The following HDAC9 variants were observed in gnomAD, a reference collection of about 807,000 sequenced individuals.
HDAC9 encodes histone deacetylase 9.
Under a neutral mutation model 139.4 loss-of-function variants are expected in HDAC9, and 41 were observed. The ratio of observed to expected loss-of-function variants is 0.29; its 90% confidence interval spans 0.23 to 0.38. The LOEUF (loss-of-function observed/expected upper bound fraction) is 0.38, where lower values mean the gene tolerates loss of function less well. HDAC9 is among the 10% of genes least tolerant of loss of function. HDAC9 has a pLI of 1.00. For missense variants in HDAC9, 1,147 were observed against 1,297.0 expected, an observed-to-expected ratio of 0.88 and a Z score of 1.78; for synonymous variants, 517 against 476.2, an observed-to-expected ratio of 1.09 and a Z score of -1.12.
intron 11 of HDAC9, among the ~76,000 whole-genome samples, chr7:18,657,028 T>G (rs2129051887): frequency 6.6e-6 from 1 of 152,190 alleles, no homozygotes; most frequent in East Asian, 2.0e-4. Context: ...TTCATTTCTC[T>G]GATGGTTAAT....
At chr7:18,619,000 T>C (rs1839480063) in intron 6 of HDAC9, among the ~76,000 whole-genome samples, 1 of 152,070 alleles carries the variant, frequency 6.6e-6, no homozygotes, top group African/African-American at 2.4e-5. Flanking sequence ...AACATGTTTA[T>C]AATCTAGTTC....
rs558202648 is a variant in HDAC9, at chr7:18,822,349, T to G, written c.2323-6812T>G. 2.1e-5 allele frequency among the ~76,000 whole-genome samples: 3 copies of G among 141,902 alleles called. No individual in the cohort carries two copies. The South Asian group carries it at 7.3e-4, about 35-fold the overall frequency. 93.1% of individuals were successfully genotyped at this position (141,902 alleles called of 152,430 possible). On this transcript the variant is annotated intron_variant, in intron 17 of 25. Transcript: ENST00000686413. ...TTTGGTTTTTGTTTGTTTGTTTGTT[T>G]GTTGTTGTTGTTGTTGTTGTTTGAG...
chr7:18,103,841 G>A (rs563504319), intron 1 of HDAC9, among the ~76,000 whole-genome samples: 9 of 54,700 alleles, frequency 1.6e-4, no homozygotes, highest in African/African-American at 3.8e-4. Context: ...ATAAATGTGA[G>A]CTATACATAC....
At chr7:18,615,810 A>G (rs574330724) in intron 6 of HDAC9, among the ~76,000 whole-genome samples, 41 of 152,324 alleles carry the variant, frequency 2.7e-4, no homozygotes, top group African/African-American at 8.7e-4. Context: ...AATTCATTCA[A>G]CTACTGTATT....
intron 6 of HDAC9, among the ~76,000 whole-genome samples, chr7:18,594,575 A>G (rs1449396034): frequency 6.6e-6 from 1 of 152,062 alleles, no homozygotes; most frequent in Non-Finnish European, 1.5e-5. Flanking sequence ...TATATCTGAT[A>G]ATCTCATGAA....
intron 21 of HDAC9, among the ~76,000 whole-genome samples, chr7:18,839,586 G>A (rs1796455859): frequency 6.6e-6 from 1 of 152,050 alleles, no homozygotes; most frequent in Non-Finnish European, 1.5e-5. Flanking sequence ...TTGTCAATGG[G>A]AGCATTGTCA....
At chr7:18,555,848 GAC>G (rs751114427) in intron 2 of HDAC9, among the ~76,000 whole-genome samples, 1 of 151,968 alleles carries the variant, frequency 6.6e-6, no homozygotes, top group Non-Finnish European at 1.5e-5. Context: ...TATATTCAAA[GAC>G]AATATGAGAA....
chr7:18,235,805 C>T (rs1793774880), intron 2 of HDAC9, among the ~76,000 whole-genome samples: 1 of 152,004 alleles, frequency 6.6e-6, no homozygotes, highest in African/African-American at 2.4e-5. Flanking sequence ...TATTAAGAGA[C>T]AAAGACTGAT....
chr7:18,261,967 A>T (rs1795709403), intron 2 of HDAC9, among the ~76,000 whole-genome samples: 1 of 152,224 alleles, frequency 6.6e-6, no homozygotes, highest in Non-Finnish European at 1.5e-5. Flanking sequence ...CAAGCAGCTA[A>T]TATTTTGTTT....
At chr7:18,157,829 GA>G (rs2128124663) in intron 1 of HDAC9, among the ~76,000 whole-genome samples, 1 of 151,824 alleles carries the variant, frequency 6.6e-6, no homozygotes, top group Admixed American at 6.6e-5. Flanking sequence ...GAGAGAGAGA[GA>G]GAGAGAGAGA....
At chr7:18,379,402 T>A (rs1785246112) in intron 1 of HDAC9, among the ~76,000 whole-genome samples, 1 of 152,178 alleles carries the variant, frequency 6.6e-6, no homozygotes, top group African/African-American at 2.4e-5. Flanking sequence ...CTATGAGAAA[T>A]CTGTTTGTAT....
chr7:18,277,087 A>G (rs1008148223), intron 2 of HDAC9, among the ~76,000 whole-genome samples: 1 of 151,972 alleles, frequency 6.6e-6, no homozygotes, highest in East Asian at 1.9e-4. Flanking sequence ...ATTGTTAAAA[A>G]AACAAAACAA....
chr7:18,930,697 A>C (rs987154915), intron 22 of HDAC9, among the ~76,000 whole-genome samples: 1 of 152,198 alleles, frequency 6.6e-6, no homozygotes, highest in African/African-American at 2.4e-5. Context: ...CATCACTTGA[A>C]TGTTTTGTGC....
chr7:18,406,798 A>C (rs1285490825), intron 1 of HDAC9, among the ~76,000 whole-genome samples: 2 of 152,110 alleles, frequency 1.3e-5, no homozygotes, highest in Non-Finnish European at 2.9e-5. Context: ...TTAGAGTTTT[A>C]GGTTCTTTCA....
At chr7:18,150,543 A>C (rs894730594) in intron 1 of HDAC9, among the ~76,000 whole-genome samples, 19 of 152,210 alleles carry the variant, frequency 1.2e-4, no homozygotes, top group Admixed American at 6.5e-5. Context: ...AATTTTGCTG[A>C]GAATCTTCTC....
At chr7:18,460,363 TA>T (rs1163573861) in intron 1 of HDAC9, among the ~76,000 whole-genome samples, 1 of 152,166 alleles carries the variant, frequency 6.6e-6, no homozygotes, top group Non-Finnish European at 1.5e-5. Context: ...CAGGGCAGAA[TA>T]AACAATATTT....
chr7:18,465,549 T>C (rs1190198825), intron 1 of HDAC9, among the ~76,000 whole-genome samples: 1 of 152,192 alleles, frequency 6.6e-6, no homozygotes, highest in Non-Finnish European at 1.5e-5. Context: ...AAATGCACTC[T>C]CTTTTTTCTG....
At position 18,496,519 on chromosome 7, in the gene HDAC9, G is replaced by A. The variant is rs934794619; in HGVS notation, c.22+195G>A. On this transcript the variant is annotated intron_variant, in intron 2 of 25. Coordinates refer to ENST00000686413, the MANE Select transcript of HDAC9 (RefSeq NM_178425.4). ...TCTGTGCATATTCAGTCTGCTTAGG[G>A]ACAGCAGCTTCTGAATGAAATTGCA... 64 of 556,806 alleles carry A rather than the reference G, an allele frequency of 1.1e-4. 1 individual carries two copies. In the Admixed American group the frequency reaches 2.0e-3, roughly 18 times the overall value. The allele number at this position is 556,806 out of a possible 1,614,324, so 34.5% of individuals were successfully genotyped here.
intron 24 of HDAC9, among the ~76,000 whole-genome samples, chr7:18,958,585 G>A (rs929379076): frequency 6.6e-6 from 1 of 152,102 alleles, no homozygotes; most frequent in Non-Finnish European, 1.5e-5. Context: ...TCTTTTGATG[G>A]CAGATATTAT....
Sources: allele counts gnomAD v4.1 joint callset (sites outside exome capture counted in the v4.1 genomes callset), GRCh38; gene constraint gnomAD v4.1.1; transcripts MANE v1.5; gene names NCBI Gene and HGNC (gene_info 2026-07-23, HGNC 2026-07-21).